Variants in GABBR2 observed in about 807,000 individuals in gnomAD.
GABBR2 encodes G-protein coupled receptor 51.
In GABBR2, 23 loss-of-function variants were observed where a neutral mutation model predicts 105.6. That is an observed-to-expected ratio of 0.22 (90% CI 0.16 to 0.31). The LOEUF (loss-of-function observed/expected upper bound fraction) is 0.31, where lower values mean the gene tolerates loss of function less well. GABBR2 is among the 10% of genes least tolerant of loss of function. The pLI, the probability that GABBR2 is intolerant of heterozygous loss-of-function variation, is 1.00. For missense variants in GABBR2, 734 were observed against 1,245.5 expected, an observed-to-expected ratio of 0.59 and a Z score of 6.18; for synonymous variants, 478 against 499.7, an observed-to-expected ratio of 0.96 and a Z score of 0.58.
At chr9:98,558,301 C>G (rs1828617159) in intron 2 of GABBR2, among the ~76,000 whole-genome samples, 1 of 152,132 alleles carries the variant, frequency 6.6e-6, no homozygotes. Context: ...ACCATTCAGG[C>G]CAGCTGTGGT....
At position 98,499,651 on chromosome 9, in the gene GABBR2, T is replaced by A. The variant is rs555215598; in HGVS notation, c.631-3137A>T. ...TCCTCACAAGGGAAAACAATTTACA[T>A]GCTCCTTAAGTGGGTAGAAAGACCC... is the stretch of plus-strand genomic sequence containing the variant. On this transcript the variant is annotated intron_variant, in intron 3 of 18. Coordinates refer to ENST00000259455, the MANE Select transcript of GABBR2 (RefSeq NM_005458.8). 3.1e-3 allele frequency among the ~76,000 whole-genome samples: 479 copies of A among 152,390 alleles called. 2 individuals are homozygous for A. The highest frequency in any genetic ancestry group is 5.3e-3 in the Non-Finnish European group (363 of 68,040).
At chr9:98,568,935 T>C (rs892715600) in intron 2 of GABBR2, among the ~76,000 whole-genome samples, 2 of 152,116 alleles carry the variant, frequency 1.3e-5, no homozygotes, top group Admixed American at 1.3e-4. Context: ...AGTCCCCAGG[T>C]CCTTGGGGTC....
At chr9:98,400,977 T>C (rs1287138398) in intron 8 of GABBR2, among the ~76,000 whole-genome samples, 1 of 152,006 alleles carries the variant, frequency 6.6e-6, no homozygotes, top group Non-Finnish European at 1.5e-5. Flanking sequence ...TGAAATGAGG[T>C]GTGCGAATTG....
At chr9:98,627,158 C>A (rs901405406) in intron 1 of GABBR2, among the ~76,000 whole-genome samples, 5 of 152,124 alleles carry the variant, frequency 3.3e-5, no homozygotes, top group Admixed American at 6.5e-5. Flanking sequence ...CGATTTGGGA[C>A]AGTGACCCCC....
At chr9:98,303,836 A>G (rs147496067) in intron 15 of GABBR2, among the ~76,000 whole-genome samples, 1 of 152,252 alleles carries the variant, frequency 6.6e-6, no homozygotes. Flanking sequence ...TAAACCATTG[A>G]TGAGTTCTGG....
chr9:98,339,919 C>A (rs1405877715), intron 13 of GABBR2, among the ~76,000 whole-genome samples: 2 of 152,144 alleles, frequency 1.3e-5, no homozygotes, highest in Admixed American at 1.3e-4. Flanking sequence ...CTTCTGGGCA[C>A]ACGGTAGGAT....
intron 1 of GABBR2, among the ~76,000 whole-genome samples, chr9:98,673,780 A>G (rs958418077): frequency 2.0e-5 from 3 of 152,172 alleles, no homozygotes; most frequent in African/African-American, 7.2e-5. Context: ...AATTGCCACT[A>G]TCACTGTGGT....
Position 98,454,346 on chromosome 9 carries a change from A to G in GABBR2, c.1000-129T>C. ...AGGTACAGTGCTAGATTCTACGTGC[A>G]TTATCTCATTTAACCCTCACAACAA... On this transcript the variant is annotated intron_variant, in intron 6 of 18. Coordinates refer to ENST00000259455, the MANE Select transcript of GABBR2 (RefSeq NM_005458.8). The surrounding 1 kb of genome is among the most constrained non-coding windows in gnomAD (Gnocchi z 4.6). The G allele has an allele frequency of 4.3e-6, 3 of 698,124 alleles. No individual in the cohort carries two copies. The highest frequency in any genetic ancestry group is 1.6e-5 in the South Asian group (1 of 60,660). 43.2% of individuals were successfully genotyped at this position (698,124 alleles called of 1,614,324 possible). A position where few individuals can be genotyped will look rare whatever the true frequency, so the allele number is the denominator to read the frequency against.
intron 7 of GABBR2, among the ~76,000 whole-genome samples, chr9:98,407,158 A>G (rs1339663197): frequency 6.6e-6 from 1 of 152,222 alleles, no homozygotes; most frequent in African/African-American, 2.4e-5. Context: ...AATTAGGAAA[A>G]GAAATGGTTT....
chr9:98,682,246 C>A lies in GABBR2; in HGVS notation c.321+26171G>T, dbSNP rs565684570. On this transcript the variant is annotated intron_variant, in intron 1 of 18. Coordinates refer to ENST00000259455, the MANE Select transcript of GABBR2 (RefSeq NM_005458.8). ...TTCATCTCAGAAAAAAAAAACAAAA[C>A]AAAAAAAAACCCAAAACAAACAAAA... is the stretch of plus-strand genomic sequence containing the variant. 3.4e-3 allele frequency among the ~76,000 whole-genome samples: 464 copies of A among 136,200 alleles called. 8 individuals are homozygous for A. The East Asian group carries it at 0.042, about 12-fold the overall frequency. The allele number at this position is 136,200 out of a possible 152,430, so 89.4% of individuals were successfully genotyped here.
At chr9:98,561,849 A>G (rs928037036) in intron 2 of GABBR2, among the ~76,000 whole-genome samples, 1 of 152,212 alleles carries the variant, frequency 6.6e-6, no homozygotes, top group Non-Finnish European at 1.5e-5. Flanking sequence ...GTGCCACTGC[A>G]TTCTAGCCTG....
chr9:98,358,608 G>C (rs1241465744), intron 13 of GABBR2, among the ~76,000 whole-genome samples: 2 of 152,234 alleles, frequency 1.3e-5, no homozygotes, highest in African/African-American at 4.8e-5. Context: ...ATTCACTGCT[G>C]TCTCTCTGGA....
intron 1 of GABBR2, among the ~76,000 whole-genome samples, chr9:98,636,111 G>A (rs1829872892): frequency 6.6e-6 from 1 of 152,148 alleles, no homozygotes; most frequent in Non-Finnish European, 1.5e-5. Flanking sequence ...AATGATGTGG[G>A]TGGCATAACA....
intron 3 of GABBR2, among the ~76,000 whole-genome samples, chr9:98,524,319 C>T (rs916909786): frequency 3.9e-5 from 6 of 152,124 alleles, no homozygotes; most frequent in African/African-American, 1.4e-4. Flanking sequence ...ATATTCCTGA[C>T]AACTAAACCT....
intron 5 of GABBR2, 89 bp downstream of exon 5, chr9:98,480,843 A>T (rs932270994): frequency 1.4e-4 from 112 of 791,796 alleles, no homozygotes; most frequent in Non-Finnish European, 2.5e-4. Flanking sequence ...CTGTGATCCC[A>T]CTCACAGACT....
chr9:98,429,155 T>TGTGTGTGTGTG (rs1554704942), intron 7 of GABBR2, among the ~76,000 whole-genome samples: 3 of 151,712 alleles, frequency 2.0e-5, no homozygotes, highest in Admixed American at 6.6e-5. Context: ...TGTGTGTGTG[T>TGTGTGTGTGTG]TTGAGACAAA....
chr9:98,672,645 C>T (rs994803059), intron 1 of GABBR2, among the ~76,000 whole-genome samples: 12 of 152,244 alleles, frequency 7.9e-5, no homozygotes, highest in Admixed American at 5.2e-4. Flanking sequence ...GAACAATTCT[C>T]AGGCAAACCC....
At chr9:98,584,849 T>A (rs1829046672) in intron 1 of GABBR2, among the ~76,000 whole-genome samples, 1 of 152,174 alleles carries the variant, frequency 6.6e-6, no homozygotes, top group African/African-American at 2.4e-5. Context: ...GCAGGAGCAC[T>A]CAGTATCTGC....
chr9:98,671,581 T>C (rs1830407709), intron 1 of GABBR2, among the ~76,000 whole-genome samples: 1 of 152,210 alleles, frequency 6.6e-6, no homozygotes, highest in Non-Finnish European at 1.5e-5. Context: ...GCCAGACTGT[T>C]TTCCAAAGAC....
Sources: gnomAD v4.1 joint callset for allele counts (sites outside exome capture counted in the v4.1 genomes callset) on GRCh38, gnomAD v4.1.1 for gene constraint, Gnocchi (gnomAD v3.1) non-coding constraint, MANE v1.5 for transcripts, NCBI Gene and HGNC (gene_info 2026-07-23, HGNC 2026-07-21) for gene names.